CTSC: variants seen among roughly 807,000 people sequenced by gnomAD.
CTSC encodes dipeptidyl peptidase 1.
CTSC carries 37 observed loss-of-function variants against 40.9 expected under a neutral mutation model. The observed-to-expected ratio is 0.91, with a 90% CI of 0.70 to 1.19. The LOEUF (loss-of-function observed/expected upper bound fraction) is 1.19, where lower values mean the gene tolerates loss of function less well. Ranked by LOEUF, CTSC falls within the 50% of genes most tolerant of loss-of-function variation. CTSC has a pLI of 0.00. For synonymous variants in CTSC, 232 were observed against 207.4 expected (o/e 1.12, Z -1.02); for missense variants, 594 against 567.3 (o/e 1.05, Z -0.48).
chr11:88,318,598 T>TA (rs1272762229), intron 2 of CTSC, among the ~76,000 whole-genome samples: 2 of 152,214 alleles, frequency 1.3e-5, no homozygotes, highest in African/African-American at 4.8e-5. Context: ...AACTCCCATA[T>TA]ATATTTCTAA....
chr11:88,306,295 AG>A (rs1196105268), intron 4 of CTSC, among the ~76,000 whole-genome samples: 1 of 152,200 alleles, frequency 6.6e-6, no homozygotes, highest in Non-Finnish European at 1.5e-5. Flanking sequence ...TGATATGGAC[AG>A]GAGACAGGGA....
chr11:88,310,727 T>C (rs992119646), intron 3 of CTSC, among the ~76,000 whole-genome samples: 3 of 152,230 alleles, frequency 2.0e-5, no homozygotes. Context: ...TATAAAACTG[T>C]ATCATATGTA....
chr11:88,322,507 T>C (rs1374373921), intron 2 of CTSC: 3 of 152,286 alleles, frequency 2.0e-5, no homozygotes, highest in Admixed American at 2.0e-4. Flanking sequence ...GAGAGTCCTT[T>C]CCCTATTGCT....
chr11:88,336,462 C>T (rs1260912701), intron 1 of CTSC, among the ~76,000 whole-genome samples: 4 of 150,970 alleles, frequency 2.6e-5, no homozygotes, highest in Non-Finnish European at 5.9e-5. Flanking sequence ...TCGCTTAAAC[C>T]CGGGAGGCGG....
At chr11:88,324,692 G>C in intron 2 of CTSC, 1 of 984,986 alleles carries the variant, frequency 1.0e-6, no homozygotes, top group Non-Finnish European at 1.2e-6. Context: ...TTACAGCATG[G>C]CATGAAAGCA....
At chr11:88,327,783 G>T (rs753551458) in intron 2 of CTSC, 25 of 345,338 alleles carry the variant, frequency 7.2e-5, no homozygotes, top group Non-Finnish European at 1.3e-4. Flanking sequence ...ACTACTTTAC[G>T]AATGTGAACT....
intron 2 of CTSC, among the ~76,000 whole-genome samples, chr11:88,329,449 C>A (rs1409505623): frequency 1.1e-5 from 1 of 92,668 alleles, no homozygotes; most frequent in Non-Finnish European, 1.9e-5. Flanking sequence ...GAGCTAGACT[C>A]CATTTCAAAA....
At chr11:88,334,075 A>G (rs1237222630) in intron 2 of CTSC, among the ~76,000 whole-genome samples, 1 of 152,174 alleles carries the variant, frequency 6.6e-6, no homozygotes, top group Non-Finnish European at 1.5e-5. Context: ...TATTTAACAG[A>G]GTTATTCCCT....
intron 2 of CTSC, 35 bp downstream of exon 2, chr11:88,334,902 T>C (rs755680647): frequency 1.0e-5 from 16 of 1,525,284 alleles, no homozygotes; most frequent in Admixed American, 1.0e-4. Flanking sequence ...TATCAAATCA[T>C]TGAAAATGTA....
At chr11:88,326,467 T>G (rs752500416) in intron 2 of CTSC, 2 of 1,474,820 alleles carry the variant, frequency 1.4e-6, no homozygotes, top group Non-Finnish European at 1.9e-6. Flanking sequence ...AAAACTAGGG[T>G]TACAAGCCAA....
chr11:88,300,707 A>T (rs940054319), intron 4 of CTSC, 62 bp from the exon 5 acceptor site: 7 of 1,032,762 alleles, frequency 6.8e-6, no homozygotes, highest in Non-Finnish European at 1.1e-5. Context: ...TGATTTCCTA[A>T]ACTCTACTAT....
intron 2 of CTSC, among the ~76,000 whole-genome samples, chr11:88,329,728 G>C (rs1037167222): frequency 6.6e-5 from 10 of 152,132 alleles, no homozygotes; most frequent in Non-Finnish European, 1.5e-4. Context: ...GTGTGTGTGT[G>C]TGTTTTGTTT....
chr11:88,311,875 C>T (rs1448766504), intron 3 of CTSC, among the ~76,000 whole-genome samples: 1 of 152,202 alleles, frequency 6.6e-6, no homozygotes, highest in Non-Finnish European at 1.5e-5. Context: ...ACACCTCAAT[C>T]TTGGACTTCT....
intron 2 of CTSC, among the ~76,000 whole-genome samples, chr11:88,313,590 T>C (rs918111974): frequency 4.6e-5 from 7 of 152,054 alleles, no homozygotes; most frequent in African/African-American, 1.7e-4. Context: ...TGTTAGAACA[T>C]CTCCTCATGG....
intron 2 of CTSC, among the ~76,000 whole-genome samples, chr11:88,319,346 C>A (rs979668779): frequency 1.6e-4 from 24 of 151,988 alleles, no homozygotes; most frequent in Non-Finnish European, 1.8e-4. Context: ...ATCAATAAAG[C>A]AAATGTTTCA....
chr11:88,320,542 T>C (rs1937978606), intron 2 of CTSC, among the ~76,000 whole-genome samples: 1 of 152,226 alleles, frequency 6.6e-6, no homozygotes, highest in African/African-American at 2.4e-5. Context: ...ACCCCTGCAG[T>C]CAGAACACTC....
At chr11:88,302,494 C>T (rs899043798) in intron 4 of CTSC, among the ~76,000 whole-genome samples, 9 of 151,828 alleles carry the variant, frequency 5.9e-5, no homozygotes, top group Admixed American at 1.3e-4. Flanking sequence ...GGCGTGGTGG[C>T]GGGTGCCTGT....
chr11:88,300,138 G>T (rs1176328607), intron 5 of CTSC, among the ~76,000 whole-genome samples: 1 of 152,068 alleles, frequency 6.6e-6, no homozygotes, highest in Non-Finnish European at 1.5e-5. Flanking sequence ...TAAATTAATG[G>T]GGGTGGGGGA....
intron 3 of CTSC, among the ~76,000 whole-genome samples, chr11:88,310,938 G>C (rs1035706111): frequency 1.3e-5 from 2 of 152,116 alleles, no homozygotes; most frequent in Non-Finnish European, 2.9e-5. Flanking sequence ...GCAAAACCTC[G>C]TGTGTTGACA....
Sources: allele counts gnomAD v4.1 joint callset (sites outside exome capture counted in the v4.1 genomes callset), GRCh38; gene constraint gnomAD v4.1.1; transcripts MANE v1.5; gene names NCBI Gene and HGNC (gene_info 2026-07-23, HGNC 2026-07-21).